The following LINGO2 variants were observed in gnomAD, a reference collection of about 807,000 sequenced individuals.
LINGO2 encodes leucine-rich repeat and immunoglobulin-like domain-containing nogo receptor-interacting protein 2.
In LINGO2, 14 loss-of-function variants were observed where a neutral mutation model predicts 30.6. The observed-to-expected ratio is 0.46, with a 90% confidence interval of 0.30 to 0.72. The LOEUF (loss-of-function observed/expected upper bound fraction) is 0.72. Ranked by LOEUF, LINGO2 falls within the 30% of genes least tolerant of loss-of-function variation. The pLI is 0.07. For missense variants in LINGO2, 729 were observed against 751.7 expected, an observed-to-expected ratio of 0.97 and a Z score of 0.35; for synonymous variants, 317 against 288.5, an observed-to-expected ratio of 1.10 and a Z score of -1.00.
chr9:28,350,742 C>T (rs372562227), intron 3 of LINGO2, among the ~76,000 whole-genome samples: 1 of 150,680 alleles, frequency 6.6e-6, no homozygotes, highest in Non-Finnish European at 1.5e-5. Flanking sequence ...TGACCACATA[C>T]TTGGAAGTAA....
chr9:28,036,312 A>G (rs527828134), intron 4 of LINGO2, among the ~76,000 whole-genome samples: 2 of 152,296 alleles, frequency 1.3e-5, no homozygotes, highest in East Asian at 3.9e-4. Context: ...TTTTTACTAA[A>G]AGCGAAAGGA....
intron 1 of LINGO2, among the ~76,000 whole-genome samples, chr9:28,497,451 C>T (rs558487407): frequency 1.1e-4 from 16 of 152,264 alleles, no homozygotes; most frequent in East Asian, 3.9e-4. Flanking sequence ...TTGATCGAAT[C>T]GGCTACTGAA....
chr9:28,510,967 G>T (rs1428106037), intron 1 of LINGO2, among the ~76,000 whole-genome samples: 2 of 151,916 alleles, frequency 1.3e-5, no homozygotes, highest in Admixed American at 6.6e-5. Flanking sequence ...GTGGGTGTAG[G>T]CCAGTCTCTC....
chr9:28,050,386 T>TA lies in LINGO2; in HGVS notation c.-86-37982dup, dbSNP rs148893110. ...TCTTGACAGCAAAATATTTAATATC[T>TA]AATCATAAGGAAATCAGATAAATCC... On this transcript the variant is annotated intron_variant, in intron 4 of 5. Transcript: ENST00000379992. Among the ~76,000 whole-genome samples, 376 of 150,866 alleles carry TA rather than the reference T, an allele frequency of 2.5e-3. 14 individuals are homozygous for TA. The highest frequency in any genetic ancestry group is 8.9e-3 in the African/African-American group (364 of 40,870).
At position 28,151,999 on chromosome 9, in the gene LINGO2, A is replaced by G. The variant is rs1417376834; in HGVS notation, c.-86-139594T>C. Among the ~76,000 whole-genome samples, 7 of 152,210 alleles carry G rather than the reference A, an allele frequency of 4.6e-5. No homozygotes were observed. The East Asian group carries it at 1.3e-3, about 29-fold the overall frequency. On this transcript the variant is annotated intron_variant, in intron 4 of 5. Transcript: ENST00000379992. ...TTAGACTGATTTAGAAGAAAGTGTC[A>G]TGAGGGCTTAATAACCCTACCAAAT... is the stretch of plus-strand genomic sequence containing the variant.
intron 1 of LINGO2, among the ~76,000 whole-genome samples, chr9:28,630,693 A>C (rs1468198384): frequency 6.6e-6 from 1 of 152,102 alleles, no homozygotes; most frequent in East Asian, 1.9e-4. Flanking sequence ...GAGGCTTGCA[A>C]AGATATTTGA....
intron 1 of LINGO2, among the ~76,000 whole-genome samples, chr9:28,663,156 T>C (rs1419936137): frequency 6.6e-6 from 1 of 151,990 alleles, no homozygotes; most frequent in Non-Finnish European, 1.5e-5. Context: ...CATATTGAGG[T>C]GCAGTTGTAT....
At chr9:28,944,452 C>G in the LINGO2 span, among the ~76,000 whole-genome samples, 1 of 152,204 alleles carries the variant, frequency 6.6e-6, no homozygotes, top group Admixed American at 6.5e-5. Flanking sequence ...GTCCCCCAGG[C>G]TGGAGTGCGA....
intron 4 of LINGO2, among the ~76,000 whole-genome samples, chr9:28,090,107 C>CAG (rs1826033998): frequency 1.3e-5 from 2 of 151,968 alleles, no homozygotes; most frequent in African/African-American, 2.4e-5. Flanking sequence ...GGACCAGATG[C>CAG]ATTCACAGCC....
intron 4 of LINGO2, among the ~76,000 whole-genome samples, chr9:28,031,295 C>T (rs1587727620): frequency 6.6e-6 from 1 of 150,736 alleles, no homozygotes; most frequent in African/African-American, 2.4e-5. Flanking sequence ...CATGTTTAAC[C>T]TTGTTTTGCA....
At chr9:28,618,648 T>C (rs1042580089) in intron 1 of LINGO2, among the ~76,000 whole-genome samples, 11 of 152,190 alleles carry the variant, frequency 7.2e-5, no homozygotes, top group Non-Finnish European at 1.5e-4. Context: ...ATTCTCCTTC[T>C]TACCCATTAT....
chr9:28,621,018 A>G (rs992507212), intron 1 of LINGO2, among the ~76,000 whole-genome samples: 1 of 152,070 alleles, frequency 6.6e-6, no homozygotes, highest in East Asian at 1.9e-4. Flanking sequence ...AGTGCAAGAA[A>G]TGTCTAAAAA....
the LINGO2 span, among the ~76,000 whole-genome samples, chr9:28,934,778 G>A: frequency 6.6e-6 from 1 of 152,142 alleles, no homozygotes; most frequent in Non-Finnish European, 1.5e-5. Context: ...ATATTTGTAT[G>A]TCTTAATCTA....
At chr9:27,957,324 T>C (rs1273857143) in intron 5 of LINGO2, among the ~76,000 whole-genome samples, 1 of 152,146 alleles carries the variant, frequency 6.6e-6, no homozygotes, top group Non-Finnish European at 1.5e-5. Context: ...GGACAGAGTC[T>C]TGCTTTGTCG....
At chr9:28,482,535 G>A (rs1587733908) in intron 1 of LINGO2, among the ~76,000 whole-genome samples, 1 of 152,194 alleles carries the variant, frequency 6.6e-6, no homozygotes, top group Non-Finnish European at 1.5e-5. Context: ...CCCTTTGTCA[G>A]ATGAGTAGGT....
chr9:28,532,697 G>T (rs558835295), intron 1 of LINGO2, among the ~76,000 whole-genome samples: 26 of 152,218 alleles, frequency 1.7e-4, no homozygotes, highest in Non-Finnish European at 2.9e-4. Context: ...TTCATCCTGA[G>T]AAAGGAAAGT....
chr9:28,561,313 A>T (rs902829713), intron 1 of LINGO2, among the ~76,000 whole-genome samples: 1 of 151,882 alleles, frequency 6.6e-6, no homozygotes, highest in Non-Finnish European at 1.5e-5. Context: ...TGTTATTCAG[A>T]GTCATTTTCA....
intron 3 of LINGO2, among the ~76,000 whole-genome samples, chr9:28,351,004 G>A (rs1449474296): frequency 1.3e-5 from 2 of 152,096 alleles, no homozygotes; most frequent in Admixed American, 6.5e-5. Flanking sequence ...AAAGCAGTGT[G>A]TAGAGGGAAA....
At chr9:28,402,368 T>A (rs1335111813) in intron 2 of LINGO2, among the ~76,000 whole-genome samples, 1 of 152,088 alleles carries the variant, frequency 6.6e-6, no homozygotes, top group Non-Finnish European at 1.5e-5. Context: ...ATATTATATA[T>A]AAATCTAATG....
Sources: allele counts gnomAD v4.1 joint callset (sites outside exome capture counted in the v4.1 genomes callset), GRCh38; gene constraint gnomAD v4.1.1; transcripts MANE v1.5; gene names NCBI Gene and HGNC (gene_info 2026-07-23, HGNC 2026-07-21).